The following NTNG1 variants were observed in gnomAD, a reference collection of about 807,000 sequenced individuals.
The protein encoded by NTNG1 is netrin-G1.
Under a neutral mutation model 54.0 loss-of-function variants are expected in NTNG1, and 16 were observed. The ratio of observed to expected loss-of-function variants is 0.30; its 90% confidence interval spans 0.20 to 0.45. NTNG1 has a LOEUF of 0.45. Among genes scored for constraint, NTNG1 ranks in the 20% least tolerant of loss-of-function variants. The pLI is 1.00. For missense variants in NTNG1, 530 were observed against 678.7 expected (o/e 0.78, Z 2.43); for synonymous variants, 255 against 263.1 (o/e 0.97, Z 0.30).
At chr1:107,281,392 T>TA (rs1005157105) in intron 2 of NTNG1, among the ~76,000 whole-genome samples, 30 of 150,682 alleles carry the variant, frequency 2.0e-4, no homozygotes, top group Non-Finnish European at 2.8e-4. Context: ...AGTCTTCTTC[T>TA]AAAAAAAAAG....
At chr1:107,290,199 A>T (rs1225180220) in intron 2 of NTNG1, among the ~76,000 whole-genome samples, 1 of 152,194 alleles carries the variant, frequency 6.6e-6, no homozygotes, top group African/African-American at 2.4e-5. Context: ...GTTATAGGAG[A>T]TACCTATACC....
At chr1:107,252,690 A>G (rs1188299804) in intron 2 of NTNG1, among the ~76,000 whole-genome samples, 3 of 152,168 alleles carry the variant, frequency 2.0e-5, no homozygotes, top group Non-Finnish European at 1.5e-5. Context: ...GCTCCCTACA[A>G]CTAACAAACA....
At chr1:107,241,063 G>C (rs1459645554) in intron 2 of NTNG1, among the ~76,000 whole-genome samples, 1 of 152,002 alleles carries the variant, frequency 6.6e-6, no homozygotes, top group Non-Finnish European at 1.5e-5. Flanking sequence ...ATTTTTAATA[G>C]TAATAAAGCA....
At chr1:107,361,282 T>C (rs910994902) in intron 3 of NTNG1, among the ~76,000 whole-genome samples, 1 of 143,404 alleles carries the variant, frequency 7.0e-6, no homozygotes, top group African/African-American at 2.5e-5. Flanking sequence ...CTATATAATA[T>C]ATAATTTTTA....
intron 2 of NTNG1, among the ~76,000 whole-genome samples, chr1:107,165,854 G>A (rs1222707324): frequency 6.6e-6 from 1 of 152,192 alleles, no homozygotes; most frequent in Non-Finnish European, 1.5e-5. Flanking sequence ...ACTTGGGGCT[G>A]TTTTGTGGGA....
intron 3 of NTNG1, among the ~76,000 whole-genome samples, chr1:107,353,285 AG>A (rs1420769626): frequency 1.3e-5 from 2 of 152,138 alleles, no homozygotes; most frequent in African/African-American, 4.8e-5. Context: ...CAAAACTGTT[AG>A]AAACAGCCAT....
intron 3 of NTNG1, among the ~76,000 whole-genome samples, chr1:107,377,343 AAAGAG>A (rs1168373036): frequency 1.3e-5 from 2 of 152,072 alleles, no homozygotes; most frequent in Admixed American, 1.3e-4. Flanking sequence ...GGCTCCAGAG[AAAGAG>A]AAGAGAACTC....
In NTNG1 at chr1:107,261,600, T is replaced by C. The variant is rs578012992; in HGVS notation, c.247-62682T>C. Among the ~76,000 whole-genome samples, 232 of 152,300 alleles carry C rather than the reference T, an allele frequency of 1.5e-3. 2 individuals carry two copies. Among genetic ancestry groups the C allele is most frequent in the Non-Finnish European group, 2.7e-3 (183 of 68,030 alleles). On this transcript the variant is annotated intron_variant, in intron 2 of 7. Transcript: ENST00000370068. ...GGCTCACGCCTGTAATCCCAGCACTTTGGGAGGCCGAGGCGGGCAGATCAC... is the reference window on the plus strand; with the variant it reads ...GGCTCACGCCTGTAATCCCAGCACTCTGGGAGGCCGAGGCGGGCAGATCAC...
At chr1:107,312,830 A>C (rs758169896) in intron 2 of NTNG1, among the ~76,000 whole-genome samples, 3 of 152,154 alleles carry the variant, frequency 2.0e-5, no homozygotes, top group Non-Finnish European at 4.4e-5. Context: ...TTATATGAAA[A>C]TCTTTAGCAT....
At chr1:107,238,854 G>A (rs1160248440) in intron 2 of NTNG1, among the ~76,000 whole-genome samples, 2 of 151,394 alleles carry the variant, frequency 1.3e-5, no homozygotes, top group Admixed American at 1.3e-4. Context: ...CATGAAAATG[G>A]ACTAATACAT....
At chr1:107,157,031 A>G (rs1197197174) in intron 2 of NTNG1, among the ~76,000 whole-genome samples, 1 of 152,150 alleles carries the variant, frequency 6.6e-6, no homozygotes, top group African/African-American at 2.4e-5. Flanking sequence ...TTATCCCCAC[A>G]CACGGCCAAA....
At chr1:107,472,051 A>G (rs1678014306) in intron 7 of NTNG1, among the ~76,000 whole-genome samples, 1 of 152,218 alleles carries the variant, frequency 6.6e-6, no homozygotes, top group Non-Finnish European at 1.5e-5. Context: ...AAAGGCACAA[A>G]GAGGTTAAGT....
intron 2 of NTNG1, among the ~76,000 whole-genome samples, chr1:107,193,924 C>G (rs139123326): frequency 3.3e-5 from 5 of 151,878 alleles, no homozygotes; most frequent in African/African-American, 1.2e-4. Flanking sequence ...TCAAAGTCTC[C>G]ATCTTGCCAT....
At chr1:107,388,507 A>T (rs1165482221) in intron 3 of NTNG1, among the ~76,000 whole-genome samples, 1 of 152,184 alleles carries the variant, frequency 6.6e-6, no homozygotes, top group Non-Finnish European at 1.5e-5. Flanking sequence ...ATGCATGATC[A>T]TCTGTAATCA....
intron 2 of NTNG1, among the ~76,000 whole-genome samples, chr1:107,209,481 G>A (rs1228805192): frequency 6.6e-6 from 1 of 152,192 alleles, no homozygotes; most frequent in Non-Finnish European, 1.5e-5. Flanking sequence ...GGTAAGGTAA[G>A]AGAAGTCTTC....
chr1:107,480,589 T>TCCCCCCCCCCCCCCCCCCCCC, intron 7 of NTNG1, 22 bp from the exon 8 acceptor site: 1 of 202,796 alleles, frequency 4.9e-6, no homozygotes, highest in Non-Finnish European at 9.4e-6. Context: ...CACCCACCCC[T>TCCCCCCCCCCCCCCCCCCCCC]ACCTTCCCCC....
chr1:107,369,433 T>G (rs576607199), intron 3 of NTNG1, among the ~76,000 whole-genome samples: 1 of 152,314 alleles, frequency 6.6e-6, no homozygotes, highest in South Asian at 2.1e-4. Context: ...TTTTTAATTT[T>G]AGACACTTTA....
intron 2 of NTNG1, among the ~76,000 whole-genome samples, chr1:107,288,367 A>C (rs1024046600): frequency 1.3e-5 from 2 of 152,192 alleles, no homozygotes; most frequent in African/African-American, 4.8e-5. Context: ...CTGAAGTATA[A>C]TGAAAAGTCT....
In NTNG1 at chr1:107,148,804, A is replaced by C; in HGVS notation, c.211A>C (p.Thr71Pro). The change falls in exon 2 of 8, where the codon ACC becomes CCC. Residue 71 changes from threonine to proline, a missense_variant. By Grantham distance (38) the Thr-to-Pro change is conservative. Transcript: ENST00000370068. The stretch of plus-strand genomic sequence containing the variant: ...AGTGAAACTCGATCCTCCGGATATT[A>C]CCTGTGGAGACCCTCCTGAGACGTT... The part of the protein sequence containing the change: ...LKVKLDPPDI[T>P]CGDPPETFCA... 1 of 1,613,618 alleles carries C rather than the reference A, an allele frequency of 6.2e-7. No individual in the cohort carries two copies. The highest frequency in any genetic ancestry group is 8.5e-7 in the Non-Finnish European group (1 of 1,179,568).
Sources: allele counts gnomAD v4.1 joint callset (sites outside exome capture counted in the v4.1 genomes callset), GRCh38; gene constraint gnomAD v4.1.1; transcripts MANE v1.5; gene names NCBI Gene and HGNC (gene_info 2026-07-23, HGNC 2026-07-21).